The following ARRB1 variants were observed in gnomAD, a reference collection of about 807,000 sequenced individuals.
ARRB1 encodes the protein beta-arrestin-1.
Under a neutral mutation model 56.8 loss-of-function variants are expected in ARRB1, and 21 were observed. That is an observed-to-expected ratio of 0.37 (90% CI 0.26 to 0.53). The LOEUF is 0.53. Ranked by LOEUF, ARRB1 falls within the 20% of genes least tolerant of loss-of-function variation. The probability of loss-of-function intolerance (pLI) is 0.88; values close to 1 mark genes in which losing one functional copy is unlikely to be tolerated. For synonymous variants in ARRB1, 210 were observed against 218.6 expected, an observed-to-expected ratio of 0.96 and a Z score of 0.35; for missense variants, 424 against 553.7, an observed-to-expected ratio of 0.77 and a Z score of 2.35.
chr11:75,266,087 GA>G lies in ARRB1; in HGVS notation c.*75del, dbSNP rs1945900091. The G allele has an allele frequency of 7.7e-7, 1 of 1,298,806 alleles. No individual in the cohort carries two copies. The highest frequency in any genetic ancestry group is 1.5e-5 in the African/African-American group (1 of 68,720). 80.5% of individuals were successfully genotyped at this position (1,298,806 alleles called of 1,614,324 possible). On this transcript the variant is annotated 3_prime_UTR_variant, in exon 16 of 16. Coordinates refer to ENST00000420843, the MANE Select transcript of ARRB1 (RefSeq NM_004041.5). ...GAAGAACAAAGGGGAAAAGAAACCA[GA>G]ACAGGAAGAAGACGAGTAAGCATCC...
intron 1 of ARRB1, among the ~76,000 whole-genome samples, chr11:75,313,136 T>C (rs1161892964): frequency 6.6e-6 from 1 of 152,156 alleles, no homozygotes; most frequent in East Asian, 1.9e-4. Flanking sequence ...GCAGATCACT[T>C]GAGGTCAGGA....
At chr11:75,297,337 A>G (rs150976334) in intron 1 of ARRB1, among the ~76,000 whole-genome samples, 1 of 152,272 alleles carries the variant, frequency 6.6e-6, no homozygotes, top group African/African-American at 2.4e-5. Context: ...CCACAAAGCT[A>G]CAGTAATCAA....
Position 75,267,723 on chromosome 11 carries a change from G to GGC in ARRB1, c.1094-21_1094-20insGC. ...CTGGAACTAAACACAGGGTGGGTGG[G>GGC]CAGGGTGTCCAGGGATTAGTGAGTG... On this transcript the variant is annotated intron_variant, in intron 14 of 15. Transcript: ENST00000420843. 1 of 1,006,488 alleles carries GGC rather than the reference G, an allele frequency of 9.9e-7. No individual in the cohort carries two copies. The highest frequency in any genetic ancestry group is 1.6e-6 in the Non-Finnish European group (1 of 636,054). The allele number at this position is 1,006,488 out of a possible 1,614,324, so 62.3% of individuals were successfully genotyped here.
intron 13 of ARRB1, among the ~76,000 whole-genome samples, chr11:75,270,489 G>A (rs1946053005): frequency 6.6e-6 from 1 of 152,190 alleles, no homozygotes; most frequent in Non-Finnish European, 1.5e-5. Context: ...TTAGCCGGGT[G>A]TGGTGGCGGG....
intron 1 of ARRB1, 72 bp downstream of exon 1, chr11:75,351,516 C>T: frequency 6.7e-7 from 1 of 1,493,988 alleles, no homozygotes; most frequent in South Asian, 1.2e-5. Context: ...AGGACGCAAT[C>T]GGAGCCCCCG....
chr11:75,295,241 A>G (rs1459673499), intron 1 of ARRB1, among the ~76,000 whole-genome samples: 1 of 151,388 alleles, frequency 6.6e-6, no homozygotes, highest in African/African-American at 2.4e-5. Flanking sequence ...AAAAAAAAAA[A>G]AAAAACACAC....
chr11:75,325,663 C>G (rs1947419720), intron 1 of ARRB1, among the ~76,000 whole-genome samples: 3 of 152,210 alleles, frequency 2.0e-5, no homozygotes, highest in Admixed American at 2.0e-4. Flanking sequence ...AGGCATGACA[C>G]TTTAAGCCCA....
intron 1 of ARRB1, among the ~76,000 whole-genome samples, chr11:75,315,072 C>T (rs1947242708): frequency 6.6e-6 from 1 of 152,192 alleles, no homozygotes. Context: ...CACCACCACC[C>T]CACGCTGCGG....
At chr11:75,315,787 T>A (rs989492054) in intron 1 of ARRB1, among the ~76,000 whole-genome samples, 2 of 151,544 alleles carry the variant, frequency 1.3e-5, no homozygotes, top group Non-Finnish European at 2.9e-5. Flanking sequence ...TAAAGAAGCA[T>A]CTCATGAAAG....
At chr11:75,277,771 TG>T in intron 8 of ARRB1, among the ~76,000 whole-genome samples, 1 of 152,334 alleles carries the variant, frequency 6.6e-6, no homozygotes, top group Middle Eastern at 3.4e-3. Flanking sequence ...GTGGGACCCT[TG>T]AAAGATAACG....
At chr11:75,295,115 C>T (rs929502010) in intron 1 of ARRB1, among the ~76,000 whole-genome samples, 43 of 150,464 alleles carry the variant, frequency 2.9e-4, no homozygotes, top group Admixed American at 1.3e-4. Context: ...ACCAGCTACT[C>T]GAACGCTGAG....
chr11:75,327,575 T>C lies in ARRB1; in HGVS notation c.20+24013A>G, dbSNP rs140020546. 4.4e-3 allele frequency among the ~76,000 whole-genome samples: 625 copies of C among 142,888 alleles called. 6 individuals are homozygous for C. Among genetic ancestry groups the C allele is most frequent in the African/African-American group, 0.016 (589 of 37,498 alleles). The allele number at this position is 142,888 out of a possible 152,430, so 93.7% of individuals were successfully genotyped here. A position where few individuals can be genotyped will look rare whatever the true frequency, so the allele number is the denominator to read the frequency against. Reference sequence around the variant, plus strand: ...GAGCTCAGGAGTTTGTTTATTTTTTTGTTTTGTTTTGTTTTTTGTTTTTGT... The same window carrying C: ...GAGCTCAGGAGTTTGTTTATTTTTTCGTTTTGTTTTGTTTTTTGTTTTTGT... On this transcript the variant is annotated intron_variant, in intron 1 of 15. Coordinates refer to ENST00000420843, the MANE Select transcript of ARRB1 (RefSeq NM_004041.5).
intron 1 of ARRB1, among the ~76,000 whole-genome samples, chr11:75,340,206 T>C (rs1489087212): frequency 6.6e-6 from 1 of 152,248 alleles, no homozygotes; most frequent in Non-Finnish European, 1.5e-5. Flanking sequence ...AGGCAAATTA[T>C]CTCAGGACGA....
chr11:75,298,913 G>C (rs1011852567), intron 1 of ARRB1, among the ~76,000 whole-genome samples: 1 of 149,096 alleles, frequency 6.7e-6, no homozygotes, highest in African/African-American at 2.6e-5. Context: ...ATTATGTTAA[G>C]TAAATTAACA....
At chr11:75,326,256 T>A (rs1275178091) in intron 1 of ARRB1, among the ~76,000 whole-genome samples, 1 of 152,182 alleles carries the variant, frequency 6.6e-6, no homozygotes, top group Non-Finnish European at 1.5e-5. Context: ...GAGTCATGCT[T>A]GCAGCTGCGT....
chr11:75,269,894 C>T (rs1443197217), intron 13 of ARRB1, among the ~76,000 whole-genome samples: 1 of 152,218 alleles, frequency 6.6e-6, no homozygotes, highest in African/African-American at 2.4e-5. Context: ...AGGCTCCTCT[C>T]GGCTTGGGGT....
At chr11:75,296,156 A>C (rs918963864) in intron 1 of ARRB1, among the ~76,000 whole-genome samples, 7 of 139,206 alleles carry the variant, frequency 5.0e-5, no homozygotes, top group Non-Finnish European at 1.1e-4. Flanking sequence ...ACTGCACTCT[A>C]GCCTGGGCGA....
At position 75,274,039 on chromosome 11, in the gene ARRB1, A is replaced by T. The variant is rs200005197; in HGVS notation, c.914+35T>A. 1.9e-6 allele frequency: 3 copies of T among 1,613,642 alleles called. No individual in the cohort carries two copies. The African/African-American group carries it at 4.0e-5, about 22-fold the overall frequency. On this transcript the variant is annotated intron_variant, in intron 11 of 15. Coordinates refer to ENST00000420843, the MANE Select transcript of ARRB1 (RefSeq NM_004041.5). ...GGTGTGGCCCCATCAGGCAAGATGC[A>T]CTAGGAGCCCAGGGCTAGGAGGGCA...
chr11:75,314,774 T>C (rs1156249199), intron 1 of ARRB1, among the ~76,000 whole-genome samples: 1 of 152,030 alleles, frequency 6.6e-6, no homozygotes, highest in African/African-American at 2.4e-5. Context: ...ACCCAGCTCA[T>C]TTTTGTATTT....
Sources: gnomAD v4.1 joint callset for allele counts (sites outside exome capture counted in the v4.1 genomes callset) on GRCh38, gnomAD v4.1.1 for gene constraint, MANE v1.5 for transcripts, NCBI Gene and HGNC (gene_info 2026-07-23, HGNC 2026-07-21) for gene names.